Variants in RBFOX1 observed in about 807,000 individuals in gnomAD.
The protein encoded by RBFOX1 is RNA binding protein fox-1 homolog 1.
A neutral mutation model predicts 57.7 loss-of-function variants in RBFOX1; 8 were observed. The observed-to-expected ratio is 0.14, with a 90% confidence interval of 0.08 to 0.25. RBFOX1 has a LOEUF of 0.25. RBFOX1 is among the 10% of genes least tolerant of loss of function. RBFOX1 has a pLI of 1.00. For missense variants in RBFOX1, 611 were observed against 548.5 expected (o/e 1.11, Z -1.14); for synonymous variants, 326 against 222.4 (o/e 1.47, Z -4.15).
At position 5,785,511 on chromosome 16, in the gene RBFOX1, TTTTC is replaced by T. The variant is rs369767150; in HGVS notation, c.319-81772_319-81769del. 6.4e-3 allele frequency among the ~76,000 whole-genome samples: 973 copies of T among 151,906 alleles called. 7 individuals are homozygous for T. The highest frequency in any genetic ancestry group is 0.027 in the Middle Eastern group (8 of 294). On this transcript the variant is annotated intron_variant, in intron 3 of 19. Coordinates refer to the RBFOX1 transcript ENST00000641259. Reference sequence around the variant, plus strand: ...CATGGTGTCTTCAATTTCTTTTCTTTTTTCTTTCTTTCTTTCTTTCTTTTTCTTT... The same window carrying T: ...CATGGTGTCTTCAATTTCTTTTCTTTTTTCTTTCTTTCTTTCTTTTTCTTT...
At chr16:6,283,213 G>T (rs772594544) in intron 1 of RBFOX1, among the ~76,000 whole-genome samples, 1 of 152,158 alleles carries the variant, frequency 6.6e-6, no homozygotes, top group Non-Finnish European at 1.5e-5. Flanking sequence ...TGTATTCCCA[G>T]CTACTTGGGA....
chr16:7,512,451 T>G (rs2152072332), intron 4 of RBFOX1, among the ~76,000 whole-genome samples: 1 of 152,350 alleles, frequency 6.6e-6, no homozygotes, highest in South Asian at 2.1e-4. Context: ...TTAGCTGTAA[T>G]TAGCCTAAAG....
intron 1 of RBFOX1, among the ~76,000 whole-genome samples, chr16:5,369,690 G>A (rs2065811329): frequency 6.6e-6 from 1 of 152,200 alleles, no homozygotes; most frequent in South Asian, 2.1e-4. Context: ...AAGCACACCT[G>A]CTTTCAGAGG....
intron 3 of RBFOX1, among the ~76,000 whole-genome samples, chr16:6,789,998 T>G (rs1412436283): frequency 2.0e-5 from 3 of 151,482 alleles, no homozygotes; most frequent in Non-Finnish European, 4.4e-5. Flanking sequence ...TTATGAATCC[T>G]TTCTTAAGCT....
At chr16:5,484,913 G>T (rs964569120) in intron 2 of RBFOX1, among the ~76,000 whole-genome samples, 1 of 151,128 alleles carries the variant, frequency 6.6e-6, no homozygotes, top group Non-Finnish European at 1.5e-5. Flanking sequence ...AAAAAATTTA[G>T]CAGGGCATTG....
intron 4 of RBFOX1, among the ~76,000 whole-genome samples, chr16:7,117,015 G>T (rs929131161): frequency 1.1e-4 from 17 of 152,104 alleles, no homozygotes; most frequent in African/African-American, 3.9e-4. Context: ...GGCCAAGAAA[G>T]AGTTAGGGAA....
chr16:7,250,808 T>A (rs1271054590), intron 4 of RBFOX1, among the ~76,000 whole-genome samples: 1 of 152,332 alleles, frequency 6.6e-6, no homozygotes, highest in Non-Finnish European at 1.5e-5. Context: ...AGCTGCAGTT[T>A]CTCTGGCTAC....
chr16:5,701,171 T>C (rs1317469389), intron 3 of RBFOX1, among the ~76,000 whole-genome samples: 1 of 152,244 alleles, frequency 6.6e-6, no homozygotes, highest in African/African-American at 2.4e-5. Context: ...GTGATCTGTT[T>C]CTTGCATTGC....
intron 4 of RBFOX1, among the ~76,000 whole-genome samples, chr16:6,012,545 G>A (rs557146572): frequency 1.3e-5 from 2 of 152,292 alleles, no homozygotes; most frequent in Non-Finnish European, 2.9e-5. Context: ...CCACAGCAAA[G>A]GGTTATTTGG....
rs371450486 is a variant in RBFOX1, at chr16:5,428,702, A to G, written c.220-38514A>G. ...GCTGGCCAGTGGACATCTGGGGGAA[A>G]GTGTAGACAGATGGTACATTACATG... On this transcript the variant is annotated intron_variant, in intron 1 of 2. Coordinates refer to the RBFOX1 transcript ENST00000585867. Among the ~76,000 whole-genome samples, 27 of 152,258 alleles carry G rather than the reference A, an allele frequency of 1.8e-4. No homozygotes were observed. In the East Asian group the frequency reaches 4.3e-3, roughly 24 times the overall value.
At chr16:7,448,986 A>G (rs563669658) in intron 4 of RBFOX1, among the ~76,000 whole-genome samples, 51 of 118,342 alleles carry the variant, frequency 4.3e-4, no homozygotes, top group Middle Eastern at 7.5e-3. Context: ...CTGGAGTGCA[A>G]TGGCGCGATA....
intron 3 of RBFOX1, among the ~76,000 whole-genome samples, chr16:6,695,295 T>C (rs760119295): frequency 6.6e-6 from 1 of 151,034 alleles, no homozygotes; most frequent in Non-Finnish European, 1.5e-5. Flanking sequence ...GGTGAGTGCC[T>C]GTAATAGGTA....
At chr16:6,062,761 G>GT (rs1304420114) in intron 1 of RBFOX1, among the ~76,000 whole-genome samples, 5 of 151,852 alleles carry the variant, frequency 3.3e-5, no homozygotes, top group Non-Finnish European at 7.4e-5. Flanking sequence ...CTATCACTGT[G>GT]TGGAGATATT....
chr16:7,400,947 T>C (rs918672451), intron 4 of RBFOX1, among the ~76,000 whole-genome samples: 2 of 152,218 alleles, frequency 1.3e-5, no homozygotes, highest in Non-Finnish European at 2.9e-5. Context: ...CACCACGGTA[T>C]TTTATTTCTA....
chr16:6,831,752 A>G (rs375845606), intron 3 of RBFOX1, among the ~76,000 whole-genome samples: 6 of 152,272 alleles, frequency 3.9e-5, no homozygotes, highest in Admixed American at 1.3e-4. Context: ...TCTTTGGGCA[A>G]TTATTTATTC....
chr16:7,279,677 C>A lies in RBFOX1; in HGVS notation c.27+227579C>A, dbSNP rs142845757. 8.5e-5 allele frequency among the ~76,000 whole-genome samples: 13 copies of A among 152,346 alleles called. No homozygotes were observed. In the South Asian group the frequency reaches 2.7e-3, roughly 32 times the overall value. ...GGAATCAGGCTATCTATGGTCACAT[C>A]ATTCTATGAACTAGCAGACCAGGCA... On this transcript the variant is annotated intron_variant, in intron 4 of 15. Coordinates refer to ENST00000550418, the MANE Select transcript of RBFOX1 (RefSeq NM_018723.4).
At position 6,495,364 on chromosome 16, in the gene RBFOX1, C is replaced by A. The variant is rs149351539; in HGVS notation, c.-63-159239C>A. ...GAACTCCTGACCTCAGGTGATCCAC[C>A]GCCCCCCGCCCCCGCCTTGGCCTCC... On this transcript the variant is annotated intron_variant, in intron 2 of 15. Transcript: ENST00000550418. Among the ~76,000 whole-genome samples the A allele has an allele frequency of 5.8e-3, 878 of 151,916 alleles. 4 individuals are homozygous for A. Among genetic ancestry groups the A allele is most frequent in the East Asian group, 0.026 (133 of 5,120 alleles).
At chr16:6,355,134 C>G (rs1265372251) in intron 2 of RBFOX1, among the ~76,000 whole-genome samples, 2 of 152,102 alleles carry the variant, frequency 1.3e-5, no homozygotes, top group African/African-American at 4.8e-5. Flanking sequence ...ATTCTGTATT[C>G]TTTTTTTATT....
intron 2 of RBFOX1, among the ~76,000 whole-genome samples, chr16:5,583,077 A>T (rs2046725511): frequency 6.6e-6 from 1 of 152,192 alleles, no homozygotes; most frequent in Non-Finnish European, 1.5e-5. Context: ...AGCTAGGGAG[A>T]GGTTGAGCCT....
Sources: gnomAD v4.1 joint callset for allele counts (sites outside exome capture counted in the v4.1 genomes callset) on GRCh38, gnomAD v4.1.1 for gene constraint, MANE v1.5 for transcripts, NCBI Gene and HGNC (gene_info 2026-07-23, HGNC 2026-07-21) for gene names.